The following UACA variants were observed in gnomAD, a reference collection of about 807,000 sequenced individuals.
UACA encodes uveal autoantigen with coiled-coil domains and ankyrin repeats.
Under a neutral mutation model 160.5 loss-of-function variants are expected in UACA, and 112 were observed. The observed-to-expected ratio is 0.70, with a 90% CI of 0.60 to 0.82. UACA has a LOEUF of 0.82. Among genes scored for constraint, UACA ranks in the 40% least tolerant of loss-of-function variants. The pLI, the probability that UACA is intolerant of heterozygous loss-of-function variation, is 0.00. For missense variants in UACA, 1,574 were observed against 1,614.6 expected, an observed-to-expected ratio of 0.97 and a Z score of 0.43; for synonymous variants, 557 against 568.4, an observed-to-expected ratio of 0.98 and a Z score of 0.29.
At position 70,664,817 on chromosome 15, in the gene UACA, T is replaced by A; in HGVS notation, c.3961-3A>T. The A allele has an allele frequency of 6.2e-7, 1 of 1,607,046 alleles. No individual in the cohort carries two copies. Among genetic ancestry groups the A allele is most frequent in the Non-Finnish European group, 8.5e-7 (1 of 1,177,418 alleles). On this transcript the variant is annotated splice_polypyrimidine_tract_variant and splice_region_variant and intron_variant, in intron 16 of 18. Coordinates refer to ENST00000322954, the MANE Select transcript of UACA (RefSeq NM_018003.4). ...ACATCATTAAGCAGTTCAGTTATCT[T>A]TAAAAAAATGTTGTAGGAGAAATAT...
At chr15:70,725,008 C>T (rs924342159) in intron 1 of UACA, among the ~76,000 whole-genome samples, 2 of 151,742 alleles carry the variant, frequency 1.3e-5, no homozygotes, top group African/African-American at 4.8e-5. Flanking sequence ...GGGAGGATCA[C>T]TTAAGCAAAG....
chr15:70,679,658 G>T lies in UACA; in HGVS notation c.841C>A (p.Gln281Lys). 1 of 1,588,312 alleles carries T rather than the reference G, an allele frequency of 6.3e-7. No individual in the cohort carries two copies. Among genetic ancestry groups the T allele is most frequent in the Non-Finnish European group, 8.6e-7 (1 of 1,167,626 alleles). The change falls in exon 10 of 19, where the codon CAA (glutamine) becomes AAA (lysine). Residue 281 changes from glutamine (Q) to lysine (K), a missense_variant. By Grantham distance (53) the Gln-to-Lys change is moderately conservative. Coordinates refer to ENST00000322954, the MANE Select transcript of UACA (RefSeq NM_018003.4). ...TGTGACTTCACATTTACTTCATCTT[G>T]CATGTGTGTCAAATTTCGCTTTGGT... ...SLQQRNLTHMQDEVNVKSHQR... is the reference protein window; with the variant it reads ...SLQQRNLTHMKDEVNVKSHQR...
intron 1 of UACA, among the ~76,000 whole-genome samples, chr15:70,748,214 A>G (rs1899769923): frequency 6.6e-6 from 1 of 152,204 alleles, no homozygotes; most frequent in Non-Finnish European, 1.5e-5. Flanking sequence ...ATAAATTTCA[A>G]TTCTTAGCTG....
chr15:70,668,122 C>A lies in UACA; in HGVS notation c.2562G>T (p.Met854Ile). The A allele has an allele frequency of 6.2e-7, 1 of 1,613,682 alleles. No individual in the cohort carries two copies. The highest frequency in any genetic ancestry group is 8.5e-7 in the Non-Finnish European group (1 of 1,179,930). The change falls in exon 16 of 19, where the codon ATG (methionine) becomes ATT (isoleucine). Residue 854 changes from methionine to isoleucine, a missense_variant. Physicochemically the swap from Met to Ile is conservative, Grantham distance 10 (BLOSUM62 1). Transcript: ENST00000322954. ...TAACTGGCACATACTGATTACTCAT[C>A]ATCTTCTTCAAGTTAGTGTTTTCAG... The part of the protein sequence containing the change: ...LTSENTNLKK[M>I]MSNQYVPVKT...
intron 13 of UACA, 64 bp from the exon 14 acceptor site, chr15:70,672,065 T>A: frequency 6.9e-7 from 1 of 1,458,726 alleles, no homozygotes; most frequent in Non-Finnish European, 9.4e-7. Flanking sequence ...ATTCTGTATC[T>A]ATTTTAGCTC....
At chr15:70,722,297 G>A (rs1312952880) in intron 1 of UACA, among the ~76,000 whole-genome samples, 1 of 151,468 alleles carries the variant, frequency 6.6e-6, no homozygotes, top group African/African-American at 2.4e-5. Context: ...GAAGAAAGAG[G>A]GAAAAGACAA....
rs763394796 is a variant in UACA at position 70,666,710 on chromosome 15, T to A, written c.3960+14A>T. Reference sequence around the variant, plus strand: ...GTTTCCAACACATAGCCGTGCAGACTACTTTGTACCTACCTTATTATCTTT... The same window carrying A: ...GTTTCCAACACATAGCCGTGCAGACAACTTTGTACCTACCTTATTATCTTT... On this transcript the variant is annotated intron_variant, in intron 16 of 18. Transcript: ENST00000322954. The A allele has an allele frequency of 6.4e-6, 10 of 1,574,282 alleles. No homozygotes were observed. In the Admixed American group the frequency reaches 1.1e-4, roughly 18 times the overall value.
intron 1 of UACA, among the ~76,000 whole-genome samples, chr15:70,719,752 T>G (rs79929397): frequency 1.3e-5 from 2 of 152,188 alleles, no homozygotes; most frequent in East Asian, 3.9e-4. Flanking sequence ...AATGATATAT[T>G]AAAGGAAACA....
chr15:70,751,677 T>A (rs2030066864), intron 1 of UACA, among the ~76,000 whole-genome samples: 1 of 152,178 alleles, frequency 6.6e-6, no homozygotes, highest in South Asian at 2.1e-4. Context: ...ACGTGCAGGC[T>A]GCAGAGTTTG....
the UACA span, among the ~76,000 whole-genome samples, chr15:70,776,026 A>C: frequency 6.6e-6 from 1 of 152,208 alleles, no homozygotes; most frequent in Middle Eastern, 3.2e-3. Flanking sequence ...GGATTGAAAC[A>C]AGGGTCTAGG....
chr15:70,724,588 T>A (rs1300882915), intron 1 of UACA, among the ~76,000 whole-genome samples: 1 of 151,952 alleles, frequency 6.6e-6, no homozygotes, highest in Admixed American at 6.6e-5. Context: ...AACTGGTGAA[T>A]GAACTAGTAC....
At chr15:70,745,800 T>C (rs1899689891) in intron 1 of UACA, among the ~76,000 whole-genome samples, 1 of 140,364 alleles carries the variant, frequency 7.1e-6, no homozygotes, top group South Asian at 2.4e-4. Context: ...GCCTCTGAAA[T>C]AACACCACAC....
intron 3 of UACA, among the ~76,000 whole-genome samples, chr15:70,694,591 G>T (rs1480217029): frequency 6.6e-6 from 1 of 152,114 alleles, no homozygotes; most frequent in Non-Finnish European, 1.5e-5. Flanking sequence ...AATGGGTAAA[G>T]TGCTTAGAAG....
At chr15:70,709,004 C>T (rs553264846) in intron 1 of UACA, among the ~76,000 whole-genome samples, 42 of 152,266 alleles carry the variant, frequency 2.8e-4, no homozygotes, top group Non-Finnish European at 5.6e-4. Flanking sequence ...TCACCAATGC[C>T]TTTCACTGAG....
At chr15:70,671,568 A>G (rs1897141978) in intron 14 of UACA, 1 of 159,818 alleles carries the variant, frequency 6.3e-6, no homozygotes, top group Non-Finnish European at 1.4e-5. Context: ...GGGTCTAAAA[A>G]TAATTCATAA....
At chr15:70,713,792 T>C (rs959175460) in intron 1 of UACA, among the ~76,000 whole-genome samples, 2 of 152,182 alleles carry the variant, frequency 1.3e-5, no homozygotes, top group Non-Finnish European at 2.9e-5. Context: ...GAAATGTTTA[T>C]AAGATGGATC....
chr15:70,687,568 C>A lies in UACA; in HGVS notation c.574G>T (p.Asp192Tyr). Reference sequence around the variant, plus strand: ...TTTTGTTTGTCTCTGGAATTAACATCCGCTCCTCTATCTATCAGCAGTTGA... The same window carrying A: ...TTTTGTTTGTCTCTGGAATTAACATACGCTCCTCTATCTATCAGCAGTTGA... ...ICQLLIDRGA[D>Y]VNSRDKQNRT... Residue 192 changes from aspartate (D) to tyrosine (Y), a missense_variant, in exon 7 of 19, where the codon GAT (aspartate) becomes TAT (tyrosine). Physicochemically the swap from Asp to Tyr is radical, Grantham distance 160 (BLOSUM62 -3). Coordinates refer to ENST00000322954, the MANE Select transcript of UACA (RefSeq NM_018003.4). 2 of 1,613,894 alleles carry A rather than the reference C, an allele frequency of 1.2e-6. No homozygotes were observed. The highest frequency in any genetic ancestry group is 1.7e-6 in the Non-Finnish European group (2 of 1,179,826).
chr15:70,663,176 A>G (rs1023684572), intron 17 of UACA, among the ~76,000 whole-genome samples: 1 of 152,164 alleles, frequency 6.6e-6, no homozygotes, highest in Non-Finnish European at 1.5e-5. Flanking sequence ...GAAAAAAACA[A>G]CCCCATCAAC....
the UACA span, among the ~76,000 whole-genome samples, chr15:70,770,373 T>C: frequency 6.6e-6 from 1 of 152,218 alleles, no homozygotes; most frequent in Non-Finnish European, 1.5e-5. Context: ...CATATTTTAT[T>C]CAAAGAGATT....
Sources: allele counts gnomAD v4.1 joint callset (sites outside exome capture counted in the v4.1 genomes callset), GRCh38; gene constraint gnomAD v4.1.1; transcripts MANE v1.5; gene names NCBI Gene and HGNC (gene_info 2026-07-23, HGNC 2026-07-21).